The following ABCB1 variants were observed in gnomAD, a reference collection of about 807,000 sequenced individuals.
The protein encoded by ABCB1 is ATP binding cassette subfamily B member 1, also known as ATP-dependent translocase ABCB1.
Under a neutral mutation model 142.0 loss-of-function variants are expected in ABCB1, and 69 were observed. The ratio of observed to expected loss-of-function variants is 0.49; its 90% confidence interval spans 0.40 to 0.59. The LOEUF is 0.59. Among genes scored for constraint, ABCB1 ranks in the 20% least tolerant of loss-of-function variants. ABCB1 has a pLI of 0.00. For synonymous variants in ABCB1, 532 were observed against 539.2 expected (o/e 0.99, Z 0.18); for missense variants, 1,326 against 1,554.7 (o/e 0.85, Z 2.47).
intron 5 of ABCB1, 107 bp downstream of exon 5, chr7:87,570,065 T>C (rs569286390): frequency 3.1e-6 from 3 of 978,852 alleles, no homozygotes; most frequent in African/African-American, 1.6e-5. Flanking sequence ...CTATCAAGAG[T>C]ATTGTTCTCC....
intron 25 of ABCB1, among the ~76,000 whole-genome samples, chr7:87,512,543 G>T (rs1004143538): frequency 1.1e-4 from 17 of 152,156 alleles, no homozygotes; most frequent in African/African-American, 3.6e-4. Context: ...TCCACTGATG[G>T]TCACGAGAAT....
In ABCB1 at chr7:87,564,538, T is replaced by C. The variant is rs568576665; in HGVS notation, c.702+1532A>G. On this transcript the variant is annotated intron_variant, in intron 7 of 27. Transcript: ENST00000622132. ...TCCTGGGCCAGGTCACTTGCTGTGATTGGGTCCCTTTCTGCTATATCTATT... is the reference window on the plus strand; with the variant it reads ...TCCTGGGCCAGGTCACTTGCTGTGACTGGGTCCCTTTCTGCTATATCTATT... 6.6e-5 allele frequency among the ~76,000 whole-genome samples: 10 copies of C among 152,316 alleles called. No individual in the cohort carries two copies. In the East Asian group the frequency reaches 1.9e-3, roughly 29 times the overall value.
rs528004506 is a variant in ABCB1 at position 87,585,516 on chromosome 7, A to G, written c.282T>C (p.Asn94=). The G allele has an allele frequency of 3.7e-6, 6 of 1,613,484 alleles. No individual in the cohort carries two copies. The African/African-American group carries it at 5.3e-5, about 14-fold the overall frequency. Residue 94 remains asparagine (N), a synonymous_variant, in exon 4 of 28, where the codon AAT becomes AAC. Transcript: ENST00000622132. ...NLEDLMSNIT[N]RSDINDTGFF... The stretch of plus-strand genomic sequence containing the variant: ...TGGTACACAAACAATACTTACTTCT[A>G]TTAGTGATGTTTGACATCAGATCTT...
chr7:87,596,037 G>A (rs1819193875), intron 2 of ABCB1, among the ~76,000 whole-genome samples: 1 of 151,912 alleles, frequency 6.6e-6, no homozygotes, highest in South Asian at 2.1e-4. Context: ...CTGAGTGCTG[G>A]AATCTCTCTA....
chr7:87,510,026 A>G (rs1039849479), intron 25 of ABCB1, among the ~76,000 whole-genome samples: 6 of 152,198 alleles, frequency 3.9e-5, no homozygotes, highest in Admixed American at 2.0e-4. Context: ...TGGAGCCTCT[A>G]GAAGGAACAC....
In ABCB1 at chr7:87,566,769, A is replaced by G. The variant is rs756368794; in HGVS notation, c.530+16T>C. ...TAAGAACGACACCCAAGTTCAACAT[A>G]AAACTAAATACTTACTCTGTAAGTC... On this transcript the variant is annotated intron_variant, in intron 6 of 27. Coordinates refer to ENST00000622132, the MANE Select transcript of ABCB1 (RefSeq NM_001348946.2). 2 of 1,613,402 alleles carry G rather than the reference A, an allele frequency of 1.2e-6. No homozygotes were observed. The highest frequency in any genetic ancestry group is 8.5e-7 in the Non-Finnish European group (1 of 1,179,364).
At chr7:87,614,624 T>C (rs558768616) in intron 1 of ABCB1, among the ~76,000 whole-genome samples, 1 of 152,330 alleles carries the variant, frequency 6.6e-6, no homozygotes, top group South Asian at 2.1e-4. Context: ...AACAAGAGTG[T>C]TGCGATCTAA....
At chr7:87,641,849 A>C (rs1194615807) in intron 1 of ABCB1, among the ~76,000 whole-genome samples, 2 of 152,194 alleles carry the variant, frequency 1.3e-5, no homozygotes, top group African/African-American at 4.8e-5. Flanking sequence ...TCCTCCAAAG[A>C]TTCATATTTA....
chr7:87,528,858 C>A (rs142421314), intron 21 of ABCB1, among the ~76,000 whole-genome samples: 1 of 152,202 alleles, frequency 6.6e-6, no homozygotes, highest in African/African-American at 2.4e-5. Flanking sequence ...GTAAAGTCAG[C>A]CAAGAGAAGA....
At chr7:87,646,914 T>C (rs1163268565) in intron 1 of ABCB1, among the ~76,000 whole-genome samples, 1 of 152,182 alleles carries the variant, frequency 6.6e-6, no homozygotes, top group Admixed American at 6.5e-5. Context: ...AAACTAACTT[T>C]ATCAGTGTTA....
chr7:87,605,644 A>G (rs1180258077), upstream of ABCB1, among the ~76,000 whole-genome samples: 1 of 152,240 alleles, frequency 6.6e-6, no homozygotes, highest in African/African-American at 2.4e-5. Context: ...TTCATGACTT[A>G]CTAGCTGTGT....
At chr7:87,578,092 T>C (rs1818348422) in intron 4 of ABCB1, among the ~76,000 whole-genome samples, 1 of 152,210 alleles carries the variant, frequency 6.6e-6, no homozygotes, top group Admixed American at 6.5e-5. Context: ...GATTTTATTT[T>C]TGTATATGGT....
intron 9 of ABCB1, among the ~76,000 whole-genome samples, chr7:87,551,094 T>C (rs1289516281): frequency 6.6e-6 from 1 of 152,182 alleles, no homozygotes; most frequent in African/African-American, 2.4e-5. Context: ...CAATCATAGC[T>C]CGTCATAACC....
At chr7:87,694,254 G>T (rs1215107543) in intron 1 of ABCB1, among the ~76,000 whole-genome samples, 1 of 152,126 alleles carries the variant, frequency 6.6e-6, no homozygotes, top group African/African-American at 2.4e-5. Flanking sequence ...GAAGCTGTAT[G>T]AATATTCCAG....
chr7:87,668,405 CTATTT>C (rs1825485410), intron 1 of ABCB1, among the ~76,000 whole-genome samples: 2 of 151,664 alleles, frequency 1.3e-5, no homozygotes, highest in African/African-American at 2.4e-5. Flanking sequence ...AACTAGTGGC[CTATTT>C]TATTAGTTTT....
At chr7:87,639,497 A>G (rs1024273175) in intron 1 of ABCB1, among the ~76,000 whole-genome samples, 2 of 152,062 alleles carry the variant, frequency 1.3e-5, no homozygotes, top group Non-Finnish European at 2.9e-5. Flanking sequence ...GTTAAAGTCT[A>G]CCTCTATGAC....
chr7:87,554,002 A>C, intron 8 of ABCB1, 70 bp from the exon 9 acceptor site: 1 of 1,441,946 alleles, frequency 6.9e-7, no homozygotes, highest in South Asian at 1.2e-5. Context: ...TGATAGTTAC[A>C]GAGTGGCTAG....
At chr7:87,680,644 A>C (rs914815635) in intron 1 of ABCB1, among the ~76,000 whole-genome samples, 3 of 150,234 alleles carry the variant, frequency 2.0e-5, no homozygotes, top group Admixed American at 2.0e-4. Context: ...AATACAAAAA[A>C]TTAGCCAGGC....
At chr7:87,536,620 G>T (rs1816306986) in intron 19 of ABCB1, 79 bp from the exon 20 acceptor site, 2 of 1,315,730 alleles carry the variant, frequency 1.5e-6, no homozygotes, top group Non-Finnish European at 2.2e-6. Flanking sequence ...GATGGGGTCA[G>T]TTTTGTTTAT....
Sources: gnomAD v4.1 joint callset for allele counts (sites outside exome capture counted in the v4.1 genomes callset) on GRCh38, gnomAD v4.1.1 for gene constraint, MANE v1.5 for transcripts, NCBI Gene and HGNC (gene_info 2026-07-23, HGNC 2026-07-21) for gene names.